The following HSD17B4 variants were observed in gnomAD, a reference collection of about 807,000 sequenced individuals.
HSD17B4 encodes the protein peroxisomal multifunctional enzyme type 2.
HSD17B4 carries 70 observed loss-of-function variants against 101.0 expected under a neutral mutation model. That is an observed-to-expected ratio of 0.69 (90% CI 0.57 to 0.85). The LOEUF is 0.85. Ranked by LOEUF, HSD17B4 falls within the 40% of genes least tolerant of loss-of-function variation. HSD17B4 has a pLI of 0.00. For synonymous variants in HSD17B4, 347 were observed against 297.1 expected (o/e 1.17, Z -1.73); for missense variants, 984 against 892.4 (o/e 1.10, Z -1.31).
intron 11 of HSD17B4, 110 bp downstream of exon 11, chr5:119,494,056 A>G: frequency 9.3e-7 from 1 of 1,070,804 alleles, no homozygotes; most frequent in Non-Finnish European, 1.4e-6. Flanking sequence ...AGACACTTGA[A>G]TCGTCTATAG....
At chr5:119,521,495 T>C (rs1478997371) in intron 17 of HSD17B4, among the ~76,000 whole-genome samples, 3 of 152,150 alleles carry the variant, frequency 2.0e-5, no homozygotes, top group Admixed American at 1.3e-4. Flanking sequence ...TCTTTGGGTA[T>C]CCATTTATAT....
rs186805527 is a variant in HSD17B4, at chr5:119,536,606, T to A, written c.2121+56T>A. On this transcript the variant is annotated intron_variant, in intron 23 of 23. Coordinates refer to ENST00000510025, the MANE Select transcript of HSD17B4 (RefSeq NM_000414.4). The stretch of plus-strand genomic sequence containing the variant: ...GTTTTATTGTTTCCTCTTTTGACAA[T>A]TGCAGTTTTTAAGCTGATGCCCAAA... The A allele has an allele frequency of 1.4e-4, 224 of 1,573,616 alleles. 1 individual carries two copies. The highest frequency in any genetic ancestry group is 4.5e-4 in the Admixed American group (27 of 59,584).
At chr5:119,454,860 G>C (rs1754441977) in intron 1 of HSD17B4, among the ~76,000 whole-genome samples, 1 of 152,064 alleles carries the variant, frequency 6.6e-6, no homozygotes, top group African/African-American at 2.4e-5. Flanking sequence ...GACCTCAAAT[G>C]ATCCGCCCAC....
At chr5:119,535,057 A>C (rs1349667816) in intron 22 of HSD17B4, among the ~76,000 whole-genome samples, 1 of 152,094 alleles carries the variant, frequency 6.6e-6, no homozygotes, top group Non-Finnish European at 1.5e-5. Flanking sequence ...TCAAATTGTT[A>C]AAATTTGTAT....
Position 119,531,259 on chromosome 5 carries a change from T to C in HSD17B4, c.1855-7T>C. ...ACTTTTAAAGTTTATTTTGTTGTCG[T>C]TGTTAGGGCGGGAAGCTTCAGAGTA... is the stretch of plus-strand genomic sequence containing the variant. On this transcript the variant is annotated splice_region_variant and splice_polypyrimidine_tract_variant and intron_variant, in intron 21 of 23. Transcript: ENST00000510025. 1 of 1,613,388 alleles carries C rather than the reference T, an allele frequency of 6.2e-7. No individual in the cohort carries two copies. The highest frequency in any genetic ancestry group is 8.5e-7 in the Non-Finnish European group (1 of 1,179,494).
intron 8 of HSD17B4, among the ~76,000 whole-genome samples, chr5:119,481,921 C>G (rs902186267): frequency 6.6e-6 from 1 of 151,932 alleles, no homozygotes; most frequent in South Asian, 2.1e-4. Flanking sequence ...TTTTTTTTCC[C>G]CCTCTGTCTT....
At position 119,487,394 on chromosome 5, in the gene HSD17B4, G is replaced by C. The variant is rs190493811; in HGVS notation, c.623-1798G>C. ...CATCTAGTATTGTGGAAGAAACACT[G>C]GGTTGAGTAAGTAAACCTTTCTATT... is the stretch of plus-strand genomic sequence containing the variant. On this transcript the variant is annotated intron_variant, in intron 8 of 23. Transcript: ENST00000510025. The C allele has an allele frequency of 2.0e-5, 3 of 151,836 alleles. No homozygotes were observed. In the East Asian group the frequency reaches 5.8e-4, roughly 29 times the overall value. The allele number at this position is 151,836 out of a possible 1,614,324, so 9.4% of individuals were successfully genotyped here. A position where few individuals can be genotyped will look rare whatever the true frequency, so the allele number is the denominator to read the frequency against.
Position 119,493,925 on chromosome 5 carries a change from A to G in HSD17B4, c.847A>G (p.Ser283Gly). 2 of 1,613,304 alleles carry G rather than the reference A, an allele frequency of 1.2e-6. No individual in the cohort carries two copies. Among genetic ancestry groups the G allele is most frequent in the South Asian group, 2.2e-5 (2 of 91,078 alleles). Residue 283 changes from serine (S) to glycine (G), a missense_variant, in exon 11 of 24, where the codon AGC becomes GGC. Physicochemically the swap from Ser to Gly is moderately conservative, Grantham distance 56 (BLOSUM62 0). Transcript: ENST00000510025. ...GAAGATCTGTGACTTTGAGAATGCC[A>G]GCAAGCCTCAGAGTATCCAAGGTAA... Reference protein sequence around the residue: ...WKKICDFENASKPQSIQESTG... With the variant: ...WKKICDFENAGKPQSIQESTG...
At chr5:119,478,398 T>C (rs910284529) in intron 7 of HSD17B4, among the ~76,000 whole-genome samples, 1 of 152,238 alleles carries the variant, frequency 6.6e-6, no homozygotes, top group Non-Finnish European at 1.5e-5. Flanking sequence ...TGATTTATTT[T>C]ACTTAGCCTA....
At position 119,490,795 on chromosome 5, in the gene HSD17B4, T is replaced by C. The variant is rs1404007456; in HGVS notation, c.715-1305T>C. 6.6e-5 allele frequency among the ~76,000 whole-genome samples: 10 copies of C among 152,288 alleles called. No homozygotes were observed. In the East Asian group the frequency reaches 1.9e-3, roughly 29 times the overall value. ...GTTGGTCAGGCTGGTCTGGAACTCC[T>C]GACCTCAAATAATCTGCCCGCCTTG... On this transcript the variant is annotated intron_variant, in intron 9 of 23. Transcript: ENST00000510025.
Position 119,536,510 on chromosome 5 carries a change from A to T in HSD17B4, c.2081A>T (p.Asp694Val). The change falls in exon 23 of 24, where the codon GAT (aspartate) becomes GTT (valine). Residue 694 changes from aspartate to valine, a missense_variant. Physicochemically the swap from Asp to Val is radical, Grantham distance 152 (BLOSUM62 -3). Coordinates refer to ENST00000510025, the MANE Select transcript of HSD17B4 (RefSeq NM_000414.4). ...ADTTIILSDE[D>V]FMEVVLGKLD... ...ACAACAATCATACTTTCAGATGAAGATTTCATGGAGGTGGTCCTGGGCAAG... is the reference window on the plus strand; with the variant it reads ...ACAACAATCATACTTTCAGATGAAGTTTTCATGGAGGTGGTCCTGGGCAAG... 1.2e-6 allele frequency: 2 copies of T among 1,612,176 alleles called. No homozygotes were observed. The highest frequency in any genetic ancestry group is 8.5e-7 in the Non-Finnish European group (1 of 1,178,500).
chr5:119,538,907 C>G (rs1754752384), intron 23 of HSD17B4, among the ~76,000 whole-genome samples: 1 of 152,086 alleles, frequency 6.6e-6, no homozygotes, highest in African/African-American at 2.4e-5. Flanking sequence ...TTTGACTCCC[C>G]TAGTTTAATG....
At chr5:119,528,239 G>A (rs1415394735) in intron 20 of HSD17B4, among the ~76,000 whole-genome samples, 1 of 152,072 alleles carries the variant, frequency 6.6e-6, no homozygotes, top group Non-Finnish European at 1.5e-5. Context: ...ATAGAAACCC[G>A]ATCAGCATGG....
rs2678092 is a variant in HSD17B4, at chr5:119,490,289, A to G, written c.714+1006A>G. Among the ~76,000 whole-genome samples, 535 of 152,276 alleles carry G rather than the reference A, an allele frequency of 3.5e-3. 5 individuals are homozygous for G. Among genetic ancestry groups the G allele is most frequent in the African/African-American group, 0.012 (494 of 41,556 alleles). The stretch of plus-strand genomic sequence containing the variant: ...TTACAACTCTGTTTTATAGAAGAGG[A>G]AAATTTAATAATCTCAAGCCATCTG... On this transcript the variant is annotated intron_variant, in intron 9 of 23. Coordinates refer to ENST00000510025, the MANE Select transcript of HSD17B4 (RefSeq NM_000414.4).
intron 2 of HSD17B4, among the ~76,000 whole-genome samples, chr5:119,457,474 C>T (rs943488819): frequency 2.0e-5 from 3 of 152,180 alleles, no homozygotes; most frequent in Admixed American, 6.5e-5. Context: ...GGAACACTGA[C>T]GCTTTGGATG....
In HSD17B4 at chr5:119,536,490, A is replaced by G. The variant is rs1754550519; in HGVS notation, c.2061A>G (p.Thr687=). The stretch of plus-strand genomic sequence containing the variant: ...CTGCAAAAGGTGCTGCTGATACAAC[A>G]ATCATACTTTCAGATGAAGATTTCA... ...QGPAKGAADT[T]IILSDEDFME... is the part of the protein sequence containing the mutation. Residue 687 remains threonine (T), a synonymous_variant, in exon 23 of 24, where the codon ACA becomes ACG. Coordinates refer to ENST00000510025, the MANE Select transcript of HSD17B4 (RefSeq NM_000414.4). 1 of 1,612,278 alleles carries G rather than the reference A, an allele frequency of 6.2e-7. No individual in the cohort carries two copies.
At chr5:119,510,035 G>C (rs1441325688) in intron 16 of HSD17B4, among the ~76,000 whole-genome samples, 1 of 152,126 alleles carries the variant, frequency 6.6e-6, no homozygotes, top group East Asian at 1.9e-4. Flanking sequence ...AGGGTCAACT[G>C]TATATTGATC....
chr5:119,511,076 G>GCTA (rs532402414), intron 16 of HSD17B4, among the ~76,000 whole-genome samples: 64 of 152,274 alleles, frequency 4.2e-4, no homozygotes, highest in African/African-American at 1.5e-3. Context: ...AAGAACAGAA[G>GCTA]CTACTACACC....
chr5:119,461,187 T>C lies in HSD17B4; in HGVS notation c.112+4819T>C, dbSNP rs193097891. ...CTTTATTTCTCTCTCAACATTTCAG[T>C]AAAGGAATTTATGATTCATATCTTA... On this transcript the variant is annotated intron_variant, in intron 2 of 23. Coordinates refer to ENST00000510025, the MANE Select transcript of HSD17B4 (RefSeq NM_000414.4). 1.6e-3 allele frequency among the ~76,000 whole-genome samples: 251 copies of C among 152,300 alleles called. 5 individuals carry two copies. In the South Asian group the frequency reaches 0.046, roughly 28 times the overall value.
Sources: allele counts gnomAD v4.1 joint callset (sites outside exome capture counted in the v4.1 genomes callset), GRCh38; gene constraint gnomAD v4.1.1; transcripts MANE v1.5; gene names NCBI Gene and HGNC (gene_info 2026-07-23, HGNC 2026-07-21).